Variants in PIK3R3 observed in about 807,000 individuals in gnomAD.
The protein encoded by PIK3R3 is phosphoinositide-3-kinase regulatory subunit 3, also known as phosphatidylinositol 3-kinase regulatory subunit gamma.
A neutral mutation model predicts 62.9 loss-of-function variants in PIK3R3; 64 were observed. The observed-to-expected ratio is 1.02, with a 90% CI of 0.83 to 1.25. The LOEUF (loss-of-function observed/expected upper bound fraction) is 1.25, where lower values mean the gene tolerates loss of function less well. Ranked by LOEUF, PIK3R3 falls within the 50% of genes most tolerant of loss-of-function variation. The pLI is 0.00. For synonymous variants in PIK3R3, 165 were observed against 189.0 expected (o/e 0.87, Z 1.04); for missense variants, 614 against 561.6 (o/e 1.09, Z -0.94).
chr1:46,159,461 TATA>T, the PIK3R3 span, among the ~76,000 whole-genome samples: 1 of 152,178 alleles, frequency 6.6e-6, no homozygotes, highest in Non-Finnish European at 1.5e-5. Flanking sequence ...AAAATTATAT[TATA>T]ATAAGACTGG....
the PIK3R3 span, among the ~76,000 whole-genome samples, chr1:46,143,861 C>A: frequency 6.6e-6 from 1 of 152,138 alleles, no homozygotes; most frequent in African/African-American, 2.4e-5. Flanking sequence ...ATACTTGCAT[C>A]TCTACTCTGC....
chr1:46,092,520 C>G (rs767326117), intron 1 of PIK3R3, among the ~76,000 whole-genome samples: 1 of 152,120 alleles, frequency 6.6e-6, no homozygotes, highest in Non-Finnish European at 1.5e-5. Context: ...CGTGCCACCA[C>G]GCCCGGCTAA....
At chr1:46,131,684 A>G (rs368194009) in intron 1 of PIK3R3, 163 bp downstream of exon 1, 1 of 552,460 alleles carries the variant, frequency 1.8e-6, no homozygotes, top group Admixed American at 2.1e-5. Context: ...TGCAAACTTT[A>G]AACGTGTAAA....
At chr1:46,136,187 A>G (rs771183982), upstream of PIK3R3, among the ~76,000 whole-genome samples, 1 of 150,672 alleles carries the variant, frequency 6.6e-6, no homozygotes, top group Non-Finnish European at 1.5e-5. Context: ...TCCCTTGACC[A>G]CTTGTCTTGT....
intron 1 of PIK3R3, among the ~76,000 whole-genome samples, chr1:46,128,260 C>A (rs1655265095): frequency 6.6e-6 from 1 of 151,922 alleles, no homozygotes; most frequent in Non-Finnish European, 1.5e-5. Flanking sequence ...CATGGCAAAA[C>A]CCCATTTCTA....
chr1:46,125,853 C>T (rs1223540466), intron 1 of PIK3R3, among the ~76,000 whole-genome samples: 1 of 151,904 alleles, frequency 6.6e-6, no homozygotes, highest in Non-Finnish European at 1.5e-5. Context: ...CTCCGCCTCC[C>T]GGGTTCATGC....
At chr1:46,072,382 C>A (rs758356150) in intron 3 of PIK3R3, among the ~76,000 whole-genome samples, 10 of 152,186 alleles carry the variant, frequency 6.6e-5, no homozygotes, top group Non-Finnish European at 1.3e-4. Context: ...TCATTTCCTG[C>A]GAGAAACTTT....
chr1:46,162,301 G>A, the PIK3R3 span, among the ~76,000 whole-genome samples: 1 of 151,798 alleles, frequency 6.6e-6, no homozygotes, highest in Non-Finnish European at 1.5e-5. Flanking sequence ...TGGACAACAT[G>A]GCAAAACCCC....
intron 1 of PIK3R3, among the ~76,000 whole-genome samples, chr1:46,087,950 G>A (rs906550946): frequency 1.4e-4 from 21 of 152,316 alleles, no homozygotes; most frequent in African/African-American, 4.8e-4. Flanking sequence ...CAAGGGCTGA[G>A]GGAAGGATGG....
chr1:46,046,692 G>A, intron 7 of PIK3R3, 67 bp from the exon 8 acceptor site: 1 of 1,104,518 alleles, frequency 9.1e-7, no homozygotes, highest in African/African-American at 1.5e-5. Flanking sequence ...AGGTATGTCT[G>A]AGCCAACTAA....
the PIK3R3 span, among the ~76,000 whole-genome samples, chr1:46,174,117 C>T: frequency 6.6e-6 from 1 of 152,092 alleles, no homozygotes; most frequent in East Asian, 1.9e-4. Context: ...GGGATCTATG[C>T]ATTTGTGTCT....
chr1:46,132,968 G>T, upstream of PIK3R3: 1 of 1,110,526 alleles, frequency 9.0e-7, no homozygotes, highest in Non-Finnish European at 1.1e-6. Context: ...GGGAGCACGC[G>T]AGCCAGGCGA....
At chr1:46,108,166 T>C (rs1360464022) in intron 1 of PIK3R3, among the ~76,000 whole-genome samples, 1 of 152,252 alleles carries the variant, frequency 6.6e-6, no homozygotes, top group East Asian at 1.9e-4. Flanking sequence ...TTTATTACCT[T>C]AACATTATAA....
At chr1:46,083,002 C>T (rs560130572) in intron 1 of PIK3R3, among the ~76,000 whole-genome samples, 10 of 152,236 alleles carry the variant, frequency 6.6e-5, no homozygotes, top group Admixed American at 2.0e-4. Context: ...TTGCTAGAAC[C>T]CGGGAGGCAG....
At chr1:46,092,750 TC>T (rs1251229960) in intron 1 of PIK3R3, among the ~76,000 whole-genome samples, 1 of 152,148 alleles carries the variant, frequency 6.6e-6, no homozygotes, top group Non-Finnish European at 1.5e-5. Flanking sequence ...CTACCACTGT[TC>T]TTTCACCTCA....
chr1:46,113,627 A>G (rs1007031674), intron 1 of PIK3R3, among the ~76,000 whole-genome samples: 4 of 152,154 alleles, frequency 2.6e-5, no homozygotes, highest in Admixed American at 2.0e-4. Context: ...ACAAAACTTA[A>G]GGTGTTTTAA....
rs1156259004 is a variant in PIK3R3, at chr1:46,104,944, A to C, written c.107-24194T>G. 9.0e-5 allele frequency: 49 copies of C among 543,710 alleles called. No homozygotes were observed. In the East Asian group the frequency reaches 9.4e-4, roughly 10 times the overall value. 33.7% of individuals were successfully genotyped at this position (543,710 alleles called of 1,614,324 possible). On this transcript the variant is annotated intron_variant, in intron 1 of 9. Transcript: ENST00000262741. The stretch of plus-strand genomic sequence containing the variant: ...CTCCATCAAAAAAAAAAAAAAAAAA[A>C]AAAAAACACACACTAAGTCATCTCC...
At chr1:46,104,925 CAAAAAA>C (rs757829828) in intron 1 of PIK3R3, 650 of 195,184 alleles carry the variant, frequency 3.3e-3, no homozygotes, top group African/African-American at 9.5e-3. Context: ...AAGACTCCAT[CAAAAAA>C]AAAAAAAAAA....
chr1:46,067,278 A>ATATATATATATATATATATATAT (rs1557574769), intron 3 of PIK3R3, among the ~76,000 whole-genome samples, 187 bp from the exon 4 acceptor site: 3 of 145,852 alleles, frequency 2.1e-5, no homozygotes, highest in Non-Finnish European at 1.5e-5. Flanking sequence ...ATATATATAT[A>ATATATATATATATATATATATAT]ATTCATTTTG....
Sources: gnomAD v4.1 joint callset for allele counts (sites outside exome capture counted in the v4.1 genomes callset) on GRCh38, gnomAD v4.1.1 for gene constraint, MANE v1.5 for transcripts, NCBI Gene and HGNC (gene_info 2026-07-23, HGNC 2026-07-21) for gene names.